Variants in PXDNL observed in about 807,000 individuals in gnomAD.
PXDNL encodes the protein probable oxidoreductase PXDNL.
PXDNL carries 145 observed loss-of-function variants against 150.8 expected under a neutral mutation model. The ratio of observed to expected loss-of-function variants is 0.96; its 90% CI spans 0.84 to 1.10. PXDNL has a LOEUF of 1.10. PXDNL is among the 50% of genes least tolerant of loss of function. The pLI, the probability that PXDNL is intolerant of heterozygous loss-of-function variation, is 0.00. For synonymous variants in PXDNL, 757 were observed against 725.7 expected (o/e 1.04, Z -0.69); for missense variants, 2,087 against 1,873.9 (o/e 1.11, Z -2.10).
At position 51,799,002 on chromosome 8, in the gene PXDNL, G is replaced by A. The variant is rs143631604; in HGVS notation, c.164+10179C>T. On this transcript the variant is annotated intron_variant, in intron 1 of 22. Coordinates refer to ENST00000356297, the MANE Select transcript of PXDNL (RefSeq NM_144651.5). ...GGAATCAACCCAAATCCCCATCAATGATAGACTGGATAAAGAAAATGTAGT... is the reference window on the plus strand; with the variant it reads ...GGAATCAACCCAAATCCCCATCAATAATAGACTGGATAAAGAAAATGTAGT... Among the ~76,000 whole-genome samples the A allele has an allele frequency of 1.2e-4, 18 of 152,258 alleles. 1 individual carries two copies. The East Asian group carries it at 3.5e-3, about 29-fold the overall frequency.
intron 21 of PXDNL, among the ~76,000 whole-genome samples, chr8:51,334,548 T>G (rs1175818237): frequency 6.6e-6 from 1 of 152,082 alleles, no homozygotes; most frequent in Non-Finnish European, 1.5e-5. Context: ...TTTGAAAAGA[T>G]AAATAAAATT....
intron 1 of PXDNL, among the ~76,000 whole-genome samples, chr8:51,723,424 G>A (rs975217762): frequency 4.6e-5 from 7 of 152,160 alleles, no homozygotes; most frequent in Admixed American, 2.0e-4. Context: ...AACTCGTGCC[G>A]TATCAGGTAA....
chr8:51,509,916 C>A (rs1008125940), intron 4 of PXDNL, among the ~76,000 whole-genome samples: 5 of 151,772 alleles, frequency 3.3e-5, no homozygotes, highest in African/African-American at 1.2e-4. Flanking sequence ...GCCTTCCCTG[C>A]TAGAATGTTA....
intron 1 of PXDNL, among the ~76,000 whole-genome samples, chr8:51,753,578 C>G (rs1026193467): frequency 1.3e-5 from 2 of 152,178 alleles, no homozygotes; most frequent in Admixed American, 6.5e-5. Flanking sequence ...CAATGAAGTA[C>G]TTTAATCTGT....
chr8:51,431,213 A>G (rs1809238505), intron 12 of PXDNL, among the ~76,000 whole-genome samples: 1 of 152,166 alleles, frequency 6.6e-6, no homozygotes, highest in South Asian at 2.1e-4. Context: ...TAAATTATTT[A>G]ATGCTCATGC....
At chr8:51,769,538 C>A (rs563963039) in intron 1 of PXDNL, among the ~76,000 whole-genome samples, 92 of 152,294 alleles carry the variant, frequency 6.0e-4, no homozygotes, top group African/African-American at 2.0e-3. Context: ...CAACTATTAG[C>A]CCCAGTTTCT....
chr8:51,406,215 AATTGCACAAGACGTCAT>A (rs1808432116), intron 17 of PXDNL, among the ~76,000 whole-genome samples: 1 of 152,262 alleles, frequency 6.6e-6, no homozygotes, highest in South Asian at 2.1e-4. Flanking sequence ...GTGAGACTCA[AATTGCACAAGACGTCAT>A]ACCCCTAACT....
At chr8:51,795,319 C>T (rs2037550044) in intron 1 of PXDNL, among the ~76,000 whole-genome samples, 1 of 152,238 alleles carries the variant, frequency 6.6e-6, no homozygotes, top group Non-Finnish European at 1.5e-5. Flanking sequence ...CAGAACTCTC[C>T]ATCCAGAAAA....
At chr8:51,584,097 T>C (rs1409105110) in intron 3 of PXDNL, among the ~76,000 whole-genome samples, 1 of 152,192 alleles carries the variant, frequency 6.6e-6, no homozygotes, top group African/African-American at 2.4e-5. Context: ...TAATAAGATA[T>C]GTTACTTCCT....
At chr8:51,363,470 C>T (rs1281443080) in intron 19 of PXDNL, among the ~76,000 whole-genome samples, 1 of 152,092 alleles carries the variant, frequency 6.6e-6, no homozygotes, top group African/African-American at 2.4e-5. Context: ...AGGGGTTCCA[C>T]GTGAGAGGGT....
chr8:51,608,630 G>A (rs1320297565), intron 2 of PXDNL, among the ~76,000 whole-genome samples: 2 of 148,782 alleles, frequency 1.3e-5, no homozygotes, highest in African/African-American at 5.1e-5. Flanking sequence ...GAGGTCAGGA[G>A]ATCCAGACCA....
intron 1 of PXDNL, among the ~76,000 whole-genome samples, chr8:51,695,589 C>G (rs552552439): frequency 1.3e-5 from 2 of 152,256 alleles, no homozygotes; most frequent in African/African-American, 2.4e-5. Flanking sequence ...ACCTCAGAGA[C>G]AACAATCCAT....
At chr8:51,664,013 T>C (rs1380216460) in intron 1 of PXDNL, among the ~76,000 whole-genome samples, 1 of 144,104 alleles carries the variant, frequency 6.9e-6, no homozygotes, top group Non-Finnish European at 1.5e-5. Flanking sequence ...ACTGCACCAC[T>C]GCACTTCAGC....
chr8:51,539,501 G>C (rs965098277), intron 4 of PXDNL, among the ~76,000 whole-genome samples: 2 of 152,042 alleles, frequency 1.3e-5, no homozygotes, highest in Non-Finnish European at 2.9e-5. Context: ...TTATCCCACT[G>C]TAAGAATTTG....
At chr8:51,413,334 ACATTTTT>A in intron 14 of PXDNL, 76 bp from the exon 15 acceptor site, 1 of 816,812 alleles carries the variant, frequency 1.2e-6, no homozygotes. Context: ...GAATGGCATT[ACATTTTT>A]AAATGTAATG....
intron 17 of PXDNL, among the ~76,000 whole-genome samples, chr8:51,399,986 A>G (rs979536568): frequency 2.6e-5 from 4 of 152,220 alleles, no homozygotes; most frequent in African/African-American, 9.6e-5. Context: ...TCAGTTGAAT[A>G]TTTATAATTG....
chr8:51,561,394 T>C (rs1252412576), intron 3 of PXDNL, among the ~76,000 whole-genome samples: 1 of 151,858 alleles, frequency 6.6e-6, no homozygotes, highest in Non-Finnish European at 1.5e-5. Flanking sequence ...ATGTGGTATA[T>C]ACATACAATG....
chr8:51,602,367 CTTAT>C (rs1813742576), intron 2 of PXDNL, among the ~76,000 whole-genome samples: 1 of 151,528 alleles, frequency 6.6e-6, no homozygotes, highest in South Asian at 2.1e-4. Flanking sequence ...AAAGACTTCG[CTTAT>C]TTAAACATTT....
intron 3 of PXDNL, among the ~76,000 whole-genome samples, chr8:51,569,877 G>A (rs1275627970): frequency 6.6e-6 from 1 of 151,848 alleles, no homozygotes. Context: ...CCTTGCTTGA[G>A]ACAGTTTTTC....
Sources: allele counts gnomAD v4.1 joint callset (sites outside exome capture counted in the v4.1 genomes callset), GRCh38; gene constraint gnomAD v4.1.1; transcripts MANE v1.5; gene names NCBI Gene and HGNC (gene_info 2026-07-23, HGNC 2026-07-21).